KNL1: variants seen among roughly 807,000 people sequenced by gnomAD.
KNL1 encodes the protein outer kinetochore KNL1 complex subunit KNL1.
In KNL1, 66 loss-of-function variants were observed where a neutral mutation model predicts 201.3. That is an observed-to-expected ratio of 0.33 (90% CI 0.27 to 0.40). KNL1 has a LOEUF of 0.40. KNL1 is among the 10% of genes least tolerant of loss of function. The pLI is 1.00. For missense variants in KNL1, 2,815 were observed against 2,690.5 expected (o/e 1.05, Z -1.02); for synonymous variants, 895 against 899.2 (o/e 1.00, Z 0.08).
chr15:40,611,697 CAATAT>C (rs1187165013), intron 7 of KNL1, among the ~76,000 whole-genome samples, 186 bp downstream of exon 7: 1 of 151,452 alleles, frequency 6.6e-6, no homozygotes, highest in East Asian at 1.9e-4. Context: ...AGTGATGAAA[CAATAT>C]AATATATAAA....
chr15:40,597,115 G>A (rs984120935), intron 1 of KNL1, among the ~76,000 whole-genome samples: 4 of 151,728 alleles, frequency 2.6e-5, no homozygotes, highest in South Asian at 2.1e-4. Flanking sequence ...TTTTGATCTA[G>A]TAGTTCACAC....
chr15:40,661,962 A>C (rs1595954426), intron 25 of KNL1, 112 bp from the exon 26 acceptor site: 12 of 568,740 alleles, frequency 2.1e-5, no homozygotes, highest in South Asian at 1.9e-5. Flanking sequence ...AATGGCATGA[A>C]CCCGGGAGGT....
chr15:40,612,708 G>C lies in KNL1; in HGVS notation c.284+1197G>C, dbSNP rs148474344. Among the ~76,000 whole-genome samples the C allele has an allele frequency of 1.9e-3, 289 of 151,992 alleles. 1 individual carries two copies. Among genetic ancestry groups the C allele is most frequent in the African/African-American group, 6.5e-3 (270 of 41,472 alleles). ...ATTTTGTTGTATTTTTAGTAGACAC[G>C]GGGTTTCACCATGTTGGCCAGAATT... On this transcript the variant is annotated intron_variant, in intron 7 of 25. Transcript: ENST00000399668.
At chr15:40,610,478 G>A (rs189077163) in intron 6 of KNL1, among the ~76,000 whole-genome samples, 181 bp downstream of exon 6, 7 of 152,180 alleles carry the variant, frequency 4.6e-5, no homozygotes, top group South Asian at 2.1e-4. Context: ...TGGGAGGATC[G>A]CTTGAGCCCA....
chr15:40,633,048 G>A (rs564570546), intron 13 of KNL1, among the ~76,000 whole-genome samples: 2 of 152,214 alleles, frequency 1.3e-5, no homozygotes, highest in African/African-American at 4.8e-5. Flanking sequence ...TTTTATGGAG[G>A]CCAGGCATCG....
At chr15:40,646,877 A>AAG (rs1224775566) in intron 16 of KNL1, 110 bp from the exon 17 acceptor site, 17 of 480,614 alleles carry the variant, frequency 3.5e-5, no homozygotes, top group African/African-American at 8.2e-5. Context: ...AAAAAAAAAA[A>AAG]AGATTTGCCT....
intron 22 of KNL1, among the ~76,000 whole-genome samples, chr15:40,656,634 C>T (rs1276386541): frequency 6.6e-6 from 1 of 151,906 alleles, no homozygotes; most frequent in East Asian, 1.9e-4. Context: ...GCCTGTAATC[C>T]CAGCACTTTG....
At chr15:40,596,392 T>C (rs1891619930) in intron 1 of KNL1, among the ~76,000 whole-genome samples, 1 of 152,116 alleles carries the variant, frequency 6.6e-6, no homozygotes, top group African/African-American at 2.4e-5. Flanking sequence ...TTCTCCTGCC[T>C]CAGCTTCCGC....
intron 13 of KNL1, among the ~76,000 whole-genome samples, chr15:40,637,890 A>C (rs1893104334): frequency 6.6e-6 from 1 of 152,006 alleles, no homozygotes; most frequent in South Asian, 2.1e-4. Context: ...AAAATCCAAA[A>C]TACTTAGCTG....
At chr15:40,643,499 G>A (rs1893293504) in intron 14 of KNL1, among the ~76,000 whole-genome samples, 1 of 152,124 alleles carries the variant, frequency 6.6e-6, no homozygotes, top group Non-Finnish European at 1.5e-5. Context: ...AAAAAAATTA[G>A]CTGGGCGTGG....
At chr15:40,599,162 C>T (rs1222979123) in intron 1 of KNL1, among the ~76,000 whole-genome samples, 2 of 150,510 alleles carry the variant, frequency 1.3e-5, no homozygotes, top group African/African-American at 2.4e-5. Context: ...GAGTATTTTT[C>T]AAAAAATTAG....
intron 16 of KNL1, among the ~76,000 whole-genome samples, chr15:40,646,455 A>G (rs1455137497): frequency 6.6e-6 from 1 of 151,980 alleles, no homozygotes; most frequent in East Asian, 1.9e-4. Context: ...TTAAATTTAT[A>G]AAATAAACAT....
At chr15:40,602,831 A>G in intron 1 of KNL1, 84 bp from the exon 2 acceptor site, 1 of 747,034 alleles carries the variant, frequency 1.3e-6, no homozygotes, top group Non-Finnish European at 2.2e-6. Context: ...CCCTGAAGTC[A>G]CCATCTGTAC....
intron 7 of KNL1, among the ~76,000 whole-genome samples, chr15:40,612,844 G>A (rs1203647424): frequency 6.6e-6 from 1 of 152,120 alleles, no homozygotes; most frequent in Non-Finnish European, 1.5e-5. Context: ...TATCCAGTCA[G>A]TTAAGGAAAT....
chr15:40,643,528 C>T (rs1185911264), intron 14 of KNL1, among the ~76,000 whole-genome samples: 1 of 152,144 alleles, frequency 6.6e-6, no homozygotes, highest in Admixed American at 6.6e-5. Flanking sequence ...GCCTGTAGTC[C>T]TAGCTACTCG....
intron 21 of KNL1, among the ~76,000 whole-genome samples, chr15:40,653,769 A>G (rs961769879): frequency 2.6e-5 from 4 of 152,160 alleles, no homozygotes; most frequent in Non-Finnish European, 5.9e-5. Flanking sequence ...CGTTGGCCAC[A>G]GTGGACTTCT....
intron 3 of KNL1, 89 bp from the exon 4 acceptor site, chr15:40,606,304 T>C: frequency 1.3e-6 from 1 of 750,224 alleles, no homozygotes. Flanking sequence ...ATGAAAATTT[T>C]AGCTTTCTAC....
chr15:40,599,438 C>T (rs867650226), intron 1 of KNL1, among the ~76,000 whole-genome samples: 13 of 150,944 alleles, frequency 8.6e-5, no homozygotes, highest in Middle Eastern at 3.4e-3. Flanking sequence ...GGCTGGAGTG[C>T]AGTGGTTTGA....
At chr15:40,598,092 T>A (rs1484106626) in intron 1 of KNL1, among the ~76,000 whole-genome samples, 1 of 150,700 alleles carries the variant, frequency 6.6e-6, no homozygotes, top group Non-Finnish European at 1.5e-5. Context: ...GAGAATCACT[T>A]GAACCCAGGA....
Sources: allele counts gnomAD v4.1 joint callset (sites outside exome capture counted in the v4.1 genomes callset), GRCh38; gene constraint gnomAD v4.1.1; transcripts MANE v1.5; gene names NCBI Gene and HGNC (gene_info 2026-07-23, HGNC 2026-07-21).